The following GPR55 variants were observed in gnomAD, a reference collection of about 807,000 sequenced individuals.
GPR55 encodes the protein G protein-coupled receptor 55.
In GPR55, 6 loss-of-function variants were observed where a neutral mutation model predicts 7.9. The observed-to-expected ratio is 0.76, with a 90% CI of 0.41 to 1.49. GPR55 has a LOEUF of 1.49. Ranked by LOEUF, GPR55 falls within the 40% of genes most tolerant of loss-of-function variation. GPR55 has a pLI of 0.01. For missense variants in GPR55, 376 were observed against 406.0 expected, an observed-to-expected ratio of 0.93 and a Z score of 0.63; for synonymous variants, 183 against 166.8, an observed-to-expected ratio of 1.10 and a Z score of -0.75.
At chr2:230,958,969 C>A (rs1691530753) in intron 1 of GPR55, among the ~76,000 whole-genome samples, 1 of 152,226 alleles carries the variant, frequency 6.6e-6, no homozygotes. Context: ...AATCACATTT[C>A]AAGCAGCAGG....
chr2:230,924,168 T>C lies in GPR55; in HGVS notation c.-135+1000A>G, dbSNP rs549931669. Among the ~76,000 whole-genome samples the C allele has an allele frequency of 3.9e-4, 59 of 152,144 alleles. No homozygotes were observed. Among genetic ancestry groups the C allele is most frequent in the Non-Finnish European group, 7.8e-4 (53 of 67,964 alleles). On this transcript the variant is annotated intron_variant, in intron 1 of 1. Coordinates refer to ENST00000650999, the MANE Select transcript of GPR55 (RefSeq NM_005683.4). The surrounding 1 kb of genome is among the most constrained non-coding windows in gnomAD (Gnocchi z 4.5). ...CCGAGCCTCACATACAGTTTGTCGTTGGGAAGGTCTTATTGCATGAAAGAG... is the reference window on the plus strand; with the variant it reads ...CCGAGCCTCACATACAGTTTGTCGTCGGGAAGGTCTTATTGCATGAAAGAG...
intron 1 of GPR55, among the ~76,000 whole-genome samples, chr2:230,940,769 G>A (rs1414882603): frequency 2.6e-5 from 4 of 152,194 alleles, no homozygotes; most frequent in African/African-American, 4.8e-5. Flanking sequence ...TGCCTGCCCT[G>A]GGTGGGAAAC....
At chr2:230,928,960 T>A (rs1334844135), upstream of GPR55, among the ~76,000 whole-genome samples, 1 of 152,136 alleles carries the variant, frequency 6.6e-6, no homozygotes, top group Non-Finnish European at 1.5e-5. Context: ...CCATCTGGCC[T>A]CTCCCCTCCC....
intron 1 of GPR55, among the ~76,000 whole-genome samples, chr2:230,956,414 G>A (rs1470820182): frequency 2.0e-5 from 3 of 151,598 alleles, no homozygotes; most frequent in South Asian, 2.1e-4. Context: ...TGATCCACCC[G>A]CCTCCAGCCT....
upstream of GPR55, among the ~76,000 whole-genome samples, chr2:230,926,099 G>C (rs754050857): frequency 2.6e-5 from 4 of 152,188 alleles, no homozygotes; most frequent in Non-Finnish European, 5.9e-5. Context: ...AAAGCTATGC[G>C]TGCTGGGACT....
At chr2:230,959,275 G>A (rs1241501133) in intron 1 of GPR55, among the ~76,000 whole-genome samples, 2 of 152,112 alleles carry the variant, frequency 1.3e-5, no homozygotes, top group Admixed American at 1.3e-4. Flanking sequence ...GTGAAACCCT[G>A]TCTTTAGAAG....
intron 1 of GPR55, among the ~76,000 whole-genome samples, chr2:230,911,838 G>A (rs1309501184): frequency 2.6e-5 from 4 of 152,174 alleles, no homozygotes; most frequent in Admixed American, 1.3e-4. Context: ...CCTCAGGGAC[G>A]GGAGGACCAA....
Position 230,930,685 on chromosome 2 carries a change from C to T in GPR55, c.-134-19589G>A, listed in dbSNP as rs77037778. Among the ~76,000 whole-genome samples the T allele has an allele frequency of 2.8e-3, 422 of 152,196 alleles. 1 individual carries two copies. Among genetic ancestry groups the T allele is most frequent in the African/African-American group, 9.6e-3 (397 of 41,512 alleles). Reference sequence around the variant, plus strand: ...TTGCCATGTTTCCCAGGCTGGTCTCCAAGTCCTGAGCTCAAGCAATCCACC... The same window carrying T: ...TTGCCATGTTTCCCAGGCTGGTCTCTAAGTCCTGAGCTCAAGCAATCCACC... On this transcript the variant is annotated intron_variant, in intron 1 of 1. Coordinates refer to the GPR55 transcript ENST00000392039.
chr2:230,949,120 C>T (rs1691361264), intron 1 of GPR55, among the ~76,000 whole-genome samples: 1 of 152,030 alleles, frequency 6.6e-6, no homozygotes, highest in African/African-American at 2.4e-5. Flanking sequence ...GGAATCACTA[C>T]ATCAACAGGC....
chr2:230,911,118 T>G (rs1034273350), intron 1 of GPR55, 22 bp from the exon 2 acceptor site: 2 of 719,198 alleles, frequency 2.8e-6, no homozygotes, highest in African/African-American at 3.6e-5. Flanking sequence ...AAAAGAAAAA[T>G]TACCTTTAAT....
intron 1 of GPR55, among the ~76,000 whole-genome samples, chr2:230,947,313 G>A (rs905465406): frequency 2.0e-5 from 3 of 152,172 alleles, no homozygotes; most frequent in South Asian, 2.1e-4. Flanking sequence ...CACCTTGGAC[G>A]TGCACCAGCC....
intron 1 of GPR55, among the ~76,000 whole-genome samples, chr2:230,932,654 CT>C (rs1434162373): frequency 6.6e-6 from 1 of 152,214 alleles, no homozygotes; most frequent in Non-Finnish European, 1.5e-5. Flanking sequence ...CAGGTCCTGC[CT>C]CTTCCAGCTG....
intron 1 of GPR55, among the ~76,000 whole-genome samples, chr2:230,950,790 C>T (rs761609766): frequency 3.3e-5 from 5 of 152,008 alleles, no homozygotes; most frequent in Non-Finnish European, 5.9e-5. Flanking sequence ...TTTCACCTGC[C>T]GCAAGGCAGG....
At chr2:230,927,640 G>A (rs973523896), upstream of GPR55, among the ~76,000 whole-genome samples, 1 of 152,258 alleles carries the variant, frequency 6.6e-6, no homozygotes, top group African/African-American at 2.4e-5. Flanking sequence ...CAGGCTGGGA[G>A]CCCCGAGTTG....
At chr2:230,942,471 G>A (rs1691247731) in intron 1 of GPR55, among the ~76,000 whole-genome samples, 1 of 152,216 alleles carries the variant, frequency 6.6e-6, no homozygotes, top group Non-Finnish European at 1.5e-5. Context: ...AGGACGTTTT[G>A]CAGGAAGGGC....
Position 230,910,993 on chromosome 2 carries a change from G to A in GPR55, c.-31C>T, listed in dbSNP as rs371153204. Reference sequence around the variant, plus strand: ...TTCCTACAACACCAACAGATCAGACGGGGCTCCTTTCACTCTCTTGAAGTG... The same window carrying A: ...TTCCTACAACACCAACAGATCAGACAGGGCTCCTTTCACTCTCTTGAAGTG... On this transcript the variant is annotated 5_prime_UTR_variant, in exon 2 of 2. Transcript: ENST00000650999. The surrounding 1 kb of genome is among the most constrained non-coding windows in gnomAD (Gnocchi z 5.4). 71 of 1,563,220 alleles carry A rather than the reference G, an allele frequency of 4.5e-5. 1 individual carries two copies. The highest frequency in any genetic ancestry group is 2.7e-4 in the African/African-American group (20 of 73,990).
intron 1 of GPR55, among the ~76,000 whole-genome samples, chr2:230,912,708 G>A (rs1235090043): frequency 2.6e-5 from 4 of 152,240 alleles, no homozygotes; most frequent in African/African-American, 9.6e-5. Context: ...CCAAAGTGCT[G>A]GGATTACAGG....
chr2:230,927,281 C>T (rs1375718503), upstream of GPR55, among the ~76,000 whole-genome samples: 1 of 152,144 alleles, frequency 6.6e-6, no homozygotes, highest in Non-Finnish European at 1.5e-5. Flanking sequence ...CAGTAGAAGG[C>T]ATTGTCCACC....
At chr2:230,916,977 G>A (rs535698038) in intron 1 of GPR55, among the ~76,000 whole-genome samples, 3 of 152,154 alleles carry the variant, frequency 2.0e-5, no homozygotes, top group African/African-American at 7.2e-5. Flanking sequence ...AAATGACACA[G>A]AAATGTTCCA....
Sources: gnomAD v4.1 joint callset for allele counts (sites outside exome capture counted in the v4.1 genomes callset) on GRCh38, gnomAD v4.1.1 for gene constraint, Gnocchi (gnomAD v3.1) non-coding constraint, MANE v1.5 for transcripts, NCBI Gene and HGNC (gene_info 2026-07-23, HGNC 2026-07-21) for gene names.